Variants in TG observed in about 807,000 individuals in gnomAD.
TG encodes the protein thyroid hormones.
Under a neutral mutation model 324.7 loss-of-function variants are expected in TG, and 270 were observed. That is an observed-to-expected ratio of 0.83 (90% CI 0.75 to 0.92). The LOEUF is 0.92. Among genes scored for constraint, TG ranks in the 40% least tolerant of loss-of-function variants. TG has a pLI of 0.00. For missense variants in TG, 3,591 were observed against 3,456.4 expected, an observed-to-expected ratio of 1.04 and a Z score of -0.98; for synonymous variants, 1,401 against 1,327.0, an observed-to-expected ratio of 1.06 and a Z score of -1.21.
chr8:133,116,956 T>A (rs1850748122), intron 45 of TG, among the ~76,000 whole-genome samples: 1 of 152,230 alleles, frequency 6.6e-6, no homozygotes, highest in African/African-American at 2.4e-5. Context: ...TGTTAGTTAT[T>A]AATTGATTAA....
chr8:132,984,180 G>A lies in TG; in HGVS notation c.6262+768G>A, dbSNP rs73710732. Among the ~76,000 whole-genome samples the A allele has an allele frequency of 5.2e-3, 799 of 152,366 alleles. 6 individuals carry two copies. The highest frequency in any genetic ancestry group is 0.018 in the African/African-American group (758 of 41,580). Reference sequence around the variant, plus strand: ...GCCAAGCGATGTTAATTCCTGTCCTGTGACATGATGTCTAAGGGGCCCTAG... The same window carrying A: ...GCCAAGCGATGTTAATTCCTGTCCTATGACATGATGTCTAAGGGGCCCTAG... On this transcript the variant is annotated intron_variant, in intron 35 of 47. Coordinates refer to ENST00000220616, the MANE Select transcript of TG (RefSeq NM_003235.5).
intron 39 of TG, among the ~76,000 whole-genome samples, chr8:133,021,597 G>A (rs538303235): frequency 6.6e-6 from 1 of 152,352 alleles, no homozygotes; most frequent in South Asian, 2.1e-4. Context: ...AGAGACAGAA[G>A]TCCAAGATCA....
At chr8:133,053,317 C>T (rs149634834) in intron 41 of TG, among the ~76,000 whole-genome samples, 1 of 152,306 alleles carries the variant, frequency 6.6e-6, no homozygotes, top group African/African-American at 2.4e-5. Context: ...GCTGTGAGTT[C>T]CGGGAGGGCA....
At chr8:133,131,195 C>G (rs1851923081) in intron 45 of TG, among the ~76,000 whole-genome samples, 2 of 152,242 alleles carry the variant, frequency 1.3e-5, no homozygotes, top group Admixed American at 1.3e-4. Context: ...CCAGGCTCCT[C>G]AGCACCAGCT....
At chr8:133,009,398 C>T (rs1295643876) in intron 35 of TG, among the ~76,000 whole-genome samples, 1 of 152,104 alleles carries the variant, frequency 6.6e-6, no homozygotes, top group African/African-American at 2.4e-5. Context: ...AGACACATCT[C>T]CTGAGTCTTA....
rs1255748251 is a variant in TG at position 132,941,424 on chromosome 8, C to G, written c.5115C>G (p.Tyr1705Ter). Residue 1705 changes from tyrosine to a stop codon, truncating the protein, a stop_gained, in exon 26 of 48, where the codon TAC becomes TAG. Transcript: ENST00000220616. LOFTEE classifies it high-confidence loss of function. ...TGFQNMLSGLYNPIVFSASGA... is the reference protein window; with the variant it reads ...TGFQNMLSGL ...TCCAAAACATGCTTTCTGGATTGTA[C>G]AACCCCATTGTGTTCTCAGCCTCAG... 3 of 1,614,242 alleles carry G rather than the reference C, an allele frequency of 1.9e-6. No individual in the cohort carries two copies. The highest frequency in any genetic ancestry group is 2.7e-5 in the African/African-American group (2 of 75,056).
chr8:133,133,428 CAA>C (rs761032421), intron 46 of TG, 40 bp from the exon 47 acceptor site: 58 of 1,592,930 alleles, frequency 3.6e-5, no homozygotes, highest in Middle Eastern at 1.7e-4. Context: ...AAAGGAAAGA[CAA>C]ATTTCCCTCA....
At chr8:133,047,777 C>G (rs770782311) in intron 41 of TG, 5 of 1,018,392 alleles carry the variant, frequency 4.9e-6, no homozygotes, top group Non-Finnish European at 7.9e-6. Flanking sequence ...CAGCCAGGAG[C>G]AAAACATGCT....
chr8:132,928,289 C>G (rs112674171), intron 22 of TG, among the ~76,000 whole-genome samples: 50 of 152,192 alleles, frequency 3.3e-4, no homozygotes, highest in African/African-American at 8.7e-4. Context: ...TGCAAAAAAC[C>G]AATACTCATG....
chr8:132,915,995 G>A (rs1282734963), intron 20 of TG, among the ~76,000 whole-genome samples: 1 of 152,132 alleles, frequency 6.6e-6, no homozygotes, highest in African/African-American at 2.4e-5. Context: ...TTTGATATTC[G>A]TGTGGCCTTA....
intron 41 of TG, among the ~76,000 whole-genome samples, chr8:133,033,534 G>A (rs1564093518): frequency 6.6e-6 from 1 of 152,174 alleles, no homozygotes; most frequent in Non-Finnish European, 1.5e-5. Context: ...CCTGACCTCA[G>A]GAATCAGCCT....
intron 28 of TG, 151 bp from the exon 29 acceptor site, chr8:132,962,843 C>A: frequency 1.3e-6 from 1 of 761,496 alleles, no homozygotes; most frequent in Admixed American, 1.7e-5. Context: ...AAAAAGAGTG[C>A]AGATCCATGT....
intron 20 of TG, among the ~76,000 whole-genome samples, chr8:132,914,049 C>T (rs1819931882): frequency 6.6e-6 from 1 of 152,212 alleles, no homozygotes; most frequent in South Asian, 2.1e-4. Flanking sequence ...TCCCTGGTCA[C>T]ATCTCCTCTG....
At chr8:133,048,986 C>T (rs1839947005) in intron 41 of TG, 1 of 330,800 alleles carries the variant, frequency 3.0e-6, no homozygotes, top group Non-Finnish European at 6.1e-6. Context: ...CTCCTTCTTT[C>T]TTTTCCATTT....
intron 35 of TG, among the ~76,000 whole-genome samples, chr8:133,007,068 C>T (rs765246561): frequency 2.2e-4 from 34 of 151,974 alleles, no homozygotes; most frequent in Non-Finnish European, 4.1e-4. Context: ...GTTGGCTGTC[C>T]GGTATTTTGT....
chr8:133,022,239 C>T (rs1835634736), intron 40 of TG, 89 bp downstream of exon 40: 1 of 1,565,574 alleles, frequency 6.4e-7, no homozygotes. Flanking sequence ...ACTGCCCCTG[C>T]TCCTCCTCCA....
chr8:133,036,713 G>T (rs1343482830), intron 41 of TG: 2 of 152,562 alleles, frequency 1.3e-5, no homozygotes, highest in African/African-American at 2.4e-5. Flanking sequence ...CCTCAACCCA[G>T]AAACTCTCCC....
intron 32 of TG, 135 bp from the exon 33 acceptor site, chr8:132,971,659 A>C: frequency 1.4e-6 from 1 of 709,204 alleles, no homozygotes; most frequent in East Asian, 2.7e-5. Flanking sequence ...TATTGACCAA[A>C]GCACCCCCAG....
chr8:133,043,713 G>A (rs765994665), intron 41 of TG, among the ~76,000 whole-genome samples: 4 of 152,092 alleles, frequency 2.6e-5, no homozygotes, highest in Non-Finnish European at 1.5e-5. Flanking sequence ...ACTGCTTCTC[G>A]TGGGCCAGCT....
Sources: gnomAD v4.1 joint callset for allele counts (sites outside exome capture counted in the v4.1 genomes callset) on GRCh38, gnomAD v4.1.1 for gene constraint, MANE v1.5 for transcripts, NCBI Gene and HGNC (gene_info 2026-07-23, HGNC 2026-07-21) for gene names.